The following XKR3 variants were observed in gnomAD, a reference collection of about 807,000 sequenced individuals.
XKR3 encodes XK related 3, also known as XK-related protein 3.
In XKR3, 27 loss-of-function variants were observed where a neutral mutation model predicts 40.3. The observed-to-expected ratio is 0.67, with a 90% CI of 0.49 to 0.92. The LOEUF (loss-of-function observed/expected upper bound fraction) is 0.92. XKR3 is among the 40% of genes least tolerant of loss of function. The pLI, the probability that XKR3 is intolerant of heterozygous loss-of-function variation, is 0.00. For missense variants in XKR3, 472 were observed against 537.6 expected (o/e 0.88, Z 1.21); for synonymous variants, 193 against 195.4 (o/e 0.99, Z 0.10).
chr22:16,792,647 T>A (rs1462407860), intron 3 of XKR3, among the ~76,000 whole-genome samples: 2 of 152,230 alleles, frequency 1.3e-5, no homozygotes, highest in African/African-American at 2.4e-5. Context: ...GGCAAACAAC[T>A]TCTTAGTCTT....
At chr22:16,790,555 C>T (rs1159421981) in intron 3 of XKR3, among the ~76,000 whole-genome samples, 1 of 152,040 alleles carries the variant, frequency 6.6e-6, no homozygotes, top group African/African-American at 2.4e-5. Flanking sequence ...CCATTAGAGG[C>T]TACAGAGTGG....
intron 2 of XKR3, among the ~76,000 whole-genome samples, chr22:16,802,700 G>A (rs981366490): frequency 2.6e-5 from 4 of 152,080 alleles, no homozygotes; most frequent in African/African-American, 7.2e-5. Context: ...ATGTTGGCCC[G>A]GATGGTCTCG....
At chr22:16,807,260 T>C (rs1218147845) in intron 2 of XKR3, among the ~76,000 whole-genome samples, 1 of 152,194 alleles carries the variant, frequency 6.6e-6, no homozygotes, top group East Asian at 1.9e-4. Flanking sequence ...TGCTAAGCTA[T>C]GTTTTGATAT....
chr22:16,794,046 C>G (rs1007604546), intron 3 of XKR3, among the ~76,000 whole-genome samples: 1 of 152,058 alleles, frequency 6.6e-6, no homozygotes, highest in Admixed American at 6.6e-5. Context: ...TATGGGGTTA[C>G]GTAAAGCAAC....
chr22:16,812,677 AAAT>A (rs772676867), intron 1 of XKR3, among the ~76,000 whole-genome samples: 24 of 152,102 alleles, frequency 1.6e-4, no homozygotes, highest in Non-Finnish European at 3.2e-4. Context: ...TCCGTCTAAA[AAAT>A]AATAATAATA....
Position 16,784,253 on chromosome 22 carries a change from C to T in XKR3, c.746G>A (p.Arg249His). The change falls in exon 4 of 4, where the codon CGT becomes CAT. Residue 249 changes from arginine (R) to histidine (H), a missense_variant. By Grantham distance (29) the Arg-to-His change is conservative. Coordinates refer to ENST00000684488, the MANE Select transcript of XKR3 (RefSeq NM_001386955.1). ...AATGAAAAATGCCAGAGTCACTACA[C>T]GTGAGATAACCTCCAAAAAACGCCA... is the stretch of plus-strand genomic sequence containing the variant. The part of the protein sequence containing the change: ...VMWRFLEVIS[R>H]VVTLAFFIAS... 1 of 1,614,158 alleles carries T rather than the reference C, an allele frequency of 6.2e-7. No individual in the cohort carries two copies. The highest frequency in any genetic ancestry group is 8.5e-7 in the Non-Finnish European group (1 of 1,180,026).
At chr22:16,800,981 G>A (rs1476564557) in intron 2 of XKR3, among the ~76,000 whole-genome samples, 1 of 152,092 alleles carries the variant, frequency 6.6e-6, no homozygotes, top group Non-Finnish European at 1.5e-5. Context: ...AAGCTAATTC[G>A]ATAATTGAAA....
chr22:16,808,387 A>G (rs1385084177), intron 1 of XKR3, among the ~76,000 whole-genome samples: 1 of 152,156 alleles, frequency 6.6e-6, no homozygotes, highest in Non-Finnish European at 1.5e-5. Flanking sequence ...TATGAAAGAA[A>G]TGTTCATTAC....
In XKR3 at chr22:16,792,241, C is replaced by T. The variant is rs1487759952; in HGVS notation, c.589+7530G>A. ...GATTACAGGTGTGAGCCACCATGCC[C>T]GGCCTACACTGACACAATTTTCATA... On this transcript the variant is annotated intron_variant, in intron 3 of 3. Transcript: ENST00000684488. Among the ~76,000 whole-genome samples the T allele has an allele frequency of 4.9e-4, 75 of 152,038 alleles. 1 individual carries two copies. The highest frequency in any genetic ancestry group is 1.7e-3 in the African/African-American group (70 of 41,478).
At chr22:16,821,350 T>C (rs1449848129) in intron 1 of XKR3, among the ~76,000 whole-genome samples, 1 of 152,164 alleles carries the variant, frequency 6.6e-6, no homozygotes, top group Non-Finnish European at 1.5e-5. Context: ...TCTAACAGAT[T>C]ATCTTAAGAG....
chr22:16,802,491 C>CTTTTTT (rs140360597), intron 2 of XKR3, among the ~76,000 whole-genome samples: 1 of 149,560 alleles, frequency 6.7e-6, no homozygotes, highest in Non-Finnish European at 1.5e-5. Flanking sequence ...CCCAGTCTTT[C>CTTTTTT]TTTTTTTTTT....
rs2081991266 is a variant in XKR3 at position 16,816,897 on chromosome 22, A to T, written c.-11+8394T>A. The stretch of plus-strand genomic sequence containing the variant: ...TCATTTTAAATAAACAATAAATAGC[A>T]TTTTAGTATAATTATATTCTCAATA... On this transcript the variant is annotated intron_variant, in intron 1 of 3. Transcript: ENST00000684488. Among the ~76,000 whole-genome samples, 4 of 151,868 alleles carry T rather than the reference A, an allele frequency of 2.6e-5. No homozygotes were observed. In the South Asian group the frequency reaches 8.3e-4, roughly 31 times the overall value.
At chr22:16,797,722 G>T (rs2060147917) in intron 3 of XKR3, among the ~76,000 whole-genome samples, 1 of 151,394 alleles carries the variant, frequency 6.6e-6, no homozygotes, top group Non-Finnish European at 1.5e-5. Flanking sequence ...CAACCCAGGA[G>T]GCGGAACTTG....
intron 3 of XKR3, 51 bp from the exon 4 acceptor site, chr22:16,784,460 A>G (rs1472287566): frequency 2.0e-6 from 3 of 1,479,274 alleles, no homozygotes; most frequent in African/African-American, 2.8e-5. Flanking sequence ...ATTAGTAATG[A>G]CCACTTTCTT....
At chr22:16,811,353 T>C (rs2060211951) in intron 1 of XKR3, among the ~76,000 whole-genome samples, 1 of 152,148 alleles carries the variant, frequency 6.6e-6, no homozygotes, top group Admixed American at 6.5e-5. Flanking sequence ...CTCGAACTCC[T>C]GAGCTCAGGT....
At chr22:16,791,701 A>C (rs2060116567) in intron 3 of XKR3, among the ~76,000 whole-genome samples, 2 of 144,732 alleles carry the variant, frequency 1.4e-5, no homozygotes, top group South Asian at 4.5e-4. Context: ...GAAAGAAAGG[A>C]GGCAGGGGGG....
intron 3 of XKR3, among the ~76,000 whole-genome samples, chr22:16,794,970 A>G (rs1740069333): frequency 6.6e-6 from 1 of 152,214 alleles, no homozygotes; most frequent in African/African-American, 2.4e-5. Flanking sequence ...ACATACATAC[A>G]AAAATGGAGC....
chr22:16,797,423 T>A lies in XKR3; in HGVS notation c.589+2348A>T, dbSNP rs980241563. Among the ~76,000 whole-genome samples the A allele has an allele frequency of 9.9e-5, 15 of 152,270 alleles. No individual in the cohort carries two copies. The Middle Eastern group carries it at 0.017, about 173-fold the overall frequency. On this transcript the variant is annotated intron_variant, in intron 3 of 3. Transcript: ENST00000684488. ...GGAGAAGATATTTGCAAACGATGCA[T>A]CCAGCAAAGGCTTAAGATCCAGAAT...
At chr22:16,824,478 A>G (rs1003894514) in intron 1 of XKR3, among the ~76,000 whole-genome samples, 5 of 152,092 alleles carry the variant, frequency 3.3e-5, no homozygotes, top group African/African-American at 1.2e-4. Flanking sequence ...AAGAAAAGGG[A>G]AAAAGAAGGA....
Sources: gnomAD v4.1 joint callset for allele counts (sites outside exome capture counted in the v4.1 genomes callset) on GRCh38, gnomAD v4.1.1 for gene constraint, MANE v1.5 for transcripts, NCBI Gene and HGNC (gene_info 2026-07-23, HGNC 2026-07-21) for gene names.